ELF4: variants seen among roughly 807,000 people sequenced by gnomAD.
ELF4 encodes E74 like ETS transcription factor 4, also known as ETS-related transcription factor Elf-4.
In ELF4, 10 loss-of-function variants were observed where a neutral mutation model predicts 31.7. That is an observed-to-expected ratio of 0.32 (90% confidence interval 0.19 to 0.54). ELF4 has a LOEUF of 0.54. Ranked by LOEUF, ELF4 falls within the 20% of genes least tolerant of loss-of-function variation. ELF4 has a pLI of 0.95. For synonymous variants in ELF4, 208 were observed against 226.7 expected (o/e 0.92, Z 0.74); for missense variants, 418 against 522.0 (o/e 0.80, Z 1.94).
intron 1 of ELF4, among the ~76,000 whole-genome samples, chrX:130,105,205 G>T (rs989974889): frequency 6.3e-5 from 7 of 111,235 alleles, no homozygotes; most frequent in African/African-American, 2.3e-4. Context: ...CAACTCAAGG[G>T]AAAGCTTGCT....
At chrX:130,087,353 G>C (rs1002356428) in intron 1 of ELF4, among the ~76,000 whole-genome samples, 1 of 113,003 alleles carries the variant, frequency 8.8e-6, no homozygotes, top group Non-Finnish European at 1.9e-5. Context: ...CCCCAGCTCT[G>C]CCTTGGGGTT....
chrX:130,069,053 G>A (rs917814662), intron 8 of ELF4, among the ~76,000 whole-genome samples: 38 of 110,841 alleles, frequency 3.4e-4, no homozygotes, highest in African/African-American at 1.2e-3. Flanking sequence ...GTGAAACCCC[G>A]TCTCTACTAA....
rs1053186863 is a variant in ELF4 at position 130,094,145 on chromosome X, A to G, written c.-209-12606T>C. Among the ~76,000 whole-genome samples, 8 of 109,495 alleles carry G rather than the reference A, an allele frequency of 7.3e-5. No homozygotes were observed. In the Admixed American group the frequency reaches 7.7e-4, roughly 10 times the overall value. The stretch of plus-strand genomic sequence containing the variant: ...CTTTGGAGGCCAAGGTGGGCGGATC[A>G]TGAGGTCAGGTGGGCGGATCATGAG... On this transcript the variant is annotated intron_variant, in intron 1 of 8. Coordinates refer to ENST00000308167, the MANE Select transcript of ELF4 (RefSeq NM_001421.4).
chrX:130,105,148 C>T (rs188669559), intron 1 of ELF4, among the ~76,000 whole-genome samples: 16 of 110,381 alleles, frequency 1.4e-4, no homozygotes, highest in African/African-American at 4.0e-4. Context: ...CCAGCCTGGG[C>T]GACAGAGCAA....
In ELF4 at chrX:130,081,355, C is replaced by T. The variant is rs749504954; in HGVS notation, c.-25G>A. The stretch of plus-strand genomic sequence containing the variant: ...TGCTGTCTTTTCAGAGAGCTGACAA[C>T]GGGATTATCAGAGCCCTCCAGAGCT... On this transcript the variant is annotated 5_prime_UTR_variant, in exon 2 of 9. Transcript: ENST00000308167. 35 of 1,199,053 alleles carry T rather than the reference C, an allele frequency of 2.9e-5. No homozygotes were observed. The highest frequency in any genetic ancestry group is 3.7e-5 in the Non-Finnish European group (33 of 884,866).
At chrX:130,074,407 C>T (rs933455469) in intron 3 of ELF4, among the ~76,000 whole-genome samples, 174 bp downstream of exon 3, 30 of 111,563 alleles carry the variant, frequency 2.7e-4, no homozygotes, top group African/African-American at 9.8e-4. Flanking sequence ...CACCCCACTT[C>T]CACAGACCAT....
rs1162792340 is a variant in ELF4, at chrX:130,066,587, A to T, written c.*134T>A. ...CTGTTTGGCCACAGTGACACCAGGC[A>T]GGGCCGGGGGACTTGGGGTCAAGTG... On this transcript the variant is annotated 3_prime_UTR_variant, in exon 9 of 9. Coordinates refer to ENST00000308167, the MANE Select transcript of ELF4 (RefSeq NM_001421.4). 1.5e-6 allele frequency: 1 copy of T among 682,773 alleles called. No homozygotes were observed. The highest frequency in any genetic ancestry group is 2.2e-5 in the African/African-American group (1 of 46,392). 56.3% of individuals were successfully genotyped at this position (682,773 alleles called of 1,213,427 possible).
intron 2 of ELF4, 120 bp from the exon 3 acceptor site, chrX:130,074,872 G>A: frequency 2.4e-6 from 2 of 834,588 alleles, no homozygotes; most frequent in Non-Finnish European, 3.5e-6. Flanking sequence ...ACTGTCCTTT[G>A]TATAGGATGA....
intron 1 of ELF4, among the ~76,000 whole-genome samples, chrX:130,097,470 G>GA (rs1311850809): frequency 2.7e-5 from 3 of 111,218 alleles, no homozygotes; most frequent in African/African-American, 9.8e-5. Context: ...AAAAAGAAAG[G>GA]AAAAAAAGCG....
chrX:130,086,946 G>A (rs7053461), intron 1 of ELF4, among the ~76,000 whole-genome samples: 2,669 of 112,046 alleles, frequency 0.024, 81 homozygotes, highest in African/African-American at 0.082. Flanking sequence ...TGCGGCTGGT[G>A]CAGCGCACTG....
chrX:130,093,448 A>G (rs1933093859), intron 1 of ELF4, among the ~76,000 whole-genome samples: 1 of 112,007 alleles, frequency 8.9e-6, no homozygotes, highest in African/African-American at 3.2e-5. Context: ...CTCACATTCC[A>G]TGGTGGCTGA....
rs1932702261 is a variant in ELF4, at chrX:130,067,244, A to C, written c.1469T>G (p.Leu490Arg). ...GTTGGTCGGACGGTTGGCCCCAGCCAGAAGTTGGGGGAGGCCACTGAGAAT... is the reference window on the plus strand; with the variant it reads ...GTTGGTCGGACGGTTGGCCCCAGCCCGAAGTTGGGGGAGGCCACTGAGAAT... The part of the protein sequence containing the change: ...PLILSGLPQL[L>R]AGANRPTNPA... Residue 490 changes from leucine to arginine, a missense_variant, in exon 9 of 9, where the codon CTG becomes CGG. Physicochemically the swap from Leu to Arg is moderately radical, Grantham distance 102. Transcript: ENST00000308167. 1.7e-6 allele frequency: 2 copies of C among 1,210,791 alleles called. No homozygotes were observed. Among genetic ancestry groups the C allele is most frequent in the Non-Finnish European group, 2.2e-6 (2 of 895,225 alleles).
chrX:130,083,849 T>TGGAC (rs1235423345), intron 1 of ELF4, among the ~76,000 whole-genome samples: 1 of 109,535 alleles, frequency 9.1e-6, no homozygotes, highest in Admixed American at 9.8e-5. Context: ...GATGGATGGA[T>TGGAC]GGATGGATGG....
chrX:130,091,744 TCGA>T, intron 1 of ELF4, among the ~76,000 whole-genome samples: 1 of 111,640 alleles, frequency 9.0e-6, no homozygotes, highest in South Asian at 3.7e-4. Context: ...TGATGTGACC[TCGA>T]GCAGGTCACT....
At chrX:130,073,120 C>T (rs750663789) in intron 4 of ELF4, among the ~76,000 whole-genome samples, 4 of 112,311 alleles carry the variant, frequency 3.6e-5, no homozygotes, top group Non-Finnish European at 7.5e-5. Flanking sequence ...GACAGTCTTG[C>T]TCTTGTTGCC....
chrX:130,106,177 G>A (rs1933375911), intron 1 of ELF4, among the ~76,000 whole-genome samples: 1 of 106,645 alleles, frequency 9.4e-6, no homozygotes, highest in Admixed American at 1.0e-4. Context: ...GTCTAGCCTA[G>A]GCCCGCATCC....
intron 1 of ELF4, among the ~76,000 whole-genome samples, chrX:130,095,425 G>C (rs560625836): frequency 1.8e-5 from 2 of 112,446 alleles, no homozygotes; most frequent in East Asian, 5.6e-4. Context: ...AACTGGGGCC[G>C]GTGTGACCTT....
At chrX:130,070,789 AAGAAAG>A (rs1932780177) in intron 7 of ELF4, among the ~76,000 whole-genome samples, 2 of 86,867 alleles carry the variant, frequency 2.3e-5, no homozygotes, top group Admixed American at 1.2e-4. Context: ...AAAAAAAAAA[AAGAAAG>A]AAAGAAAGAA....
chrX:130,103,566 A>C (rs1054844925), intron 1 of ELF4, among the ~76,000 whole-genome samples: 22 of 112,514 alleles, frequency 2.0e-4, no homozygotes, highest in African/African-American at 6.5e-4. Context: ...CTGTGCATAG[A>C]TTCTCATAGA....
Sources: allele counts gnomAD v4.1 joint callset (sites outside exome capture counted in the v4.1 genomes callset), GRCh38; gene constraint gnomAD v4.1.1; transcripts MANE v1.5; gene names NCBI Gene and HGNC (gene_info 2026-07-23, HGNC 2026-07-21).